PRDX1: variants seen among roughly 807,000 people sequenced by gnomAD.
PRDX1 encodes peroxiredoxin-1.
PRDX1 carries 19 observed loss-of-function variants against 20.7 expected under a neutral mutation model. The ratio of observed to expected loss-of-function variants is 0.92; its 90% CI spans 0.64 to 1.35. PRDX1 has a LOEUF of 1.35. Among genes scored for constraint, PRDX1 ranks in the 40% most tolerant of loss-of-function variants. The probability of loss-of-function intolerance (pLI) is 0.00; values close to 1 mark genes in which losing one functional copy is unlikely to be tolerated. For missense variants in PRDX1, 226 were observed against 240.0 expected, an observed-to-expected ratio of 0.94 and a Z score of 0.38; for synonymous variants, 89 against 83.9, an observed-to-expected ratio of 1.06 and a Z score of -0.33.
Position 45,511,316 on chromosome 1 carries a change from A to C in PRDX1, c.*13T>G. 2 of 1,598,572 alleles carry C rather than the reference A, an allele frequency of 1.3e-6. No individual in the cohort carries two copies. The highest frequency in any genetic ancestry group is 1.7e-6 in the Non-Finnish European group (2 of 1,172,202). The stretch of plus-strand genomic sequence containing the variant: ...GCTGCCCACCGCAGCCTGGCACTAA[A>C]ACAGCCCAGCGCTCACTTCTGCTTG... On this transcript the variant is annotated 3_prime_UTR_variant, in exon 6 of 6. Coordinates refer to ENST00000319248, the MANE Select transcript of PRDX1 (RefSeq NM_181697.3).
chr1:45,519,484 C>CCG (rs1557615694), intron 1 of PRDX1, among the ~76,000 whole-genome samples: 1 of 152,266 alleles, frequency 6.6e-6, no homozygotes, highest in East Asian at 1.9e-4. Context: ...TTTCCCATCA[C>CCG]TGTGCCTCCA....
chr1:45,515,770 G>A lies in PRDX1; in HGVS notation c.144C>T (p.Phe48=), dbSNP rs1221277438. 1.9e-6 allele frequency: 3 copies of A among 1,592,224 alleles called. No homozygotes were observed. Among genetic ancestry groups the A allele is most frequent in the Non-Finnish European group, 2.6e-6 (3 of 1,173,612 alleles). ...TGATCTCCGTGGGGCACACAAAGGT[G>A]AAGTCAAGAGGGTAAAAGAAGAACA... The part of the protein sequence containing the change: ...YVVFFFYPLD[F]TFVCPTEIIA... The change falls in exon 3 of 6, where the codon TTC becomes TTT. Residue 48 remains phenylalanine, a synonymous_variant. Coordinates refer to ENST00000319248, the MANE Select transcript of PRDX1 (RefSeq NM_181697.3).
chr1:45,519,002 G>C lies in PRDX1; in HGVS notation c.42C>G (p.Asn14Lys), dbSNP rs1010440683. 6.2e-7 allele frequency: 1 copy of C among 1,602,982 alleles called. No homozygotes were observed. The highest frequency in any genetic ancestry group is 1.3e-5 in the African/African-American group (1 of 74,478). The change falls in exon 2 of 6, where the codon AAC becomes AAG. Residue 14 changes from asparagine to lysine, a missense_variant. Coordinates refer to ENST00000319248, the MANE Select transcript of PRDX1 (RefSeq NM_181697.3). Reference sequence around the variant, plus strand: ...CTGGCATAACAGCTGTGGCTTTGAAGTTGGGGGCAGGGTGCCCAATTTTAG... The same window carrying C: ...CTGGCATAACAGCTGTGGCTTTGAACTTGGGGGCAGGGTGCCCAATTTTAG... ...GNAKIGHPAP[N>K]FKATAVMPDG...
At chr1:45,520,483 G>C (rs1342136516) in intron 1 of PRDX1, among the ~76,000 whole-genome samples, 2 of 151,948 alleles carry the variant, frequency 1.3e-5, no homozygotes, top group Non-Finnish European at 2.9e-5. Context: ...AGCACTTTGG[G>C]AGGCCGAGGC....
At chr1:45,520,627 G>A (rs1178424947) in intron 1 of PRDX1, among the ~76,000 whole-genome samples, 1 of 150,914 alleles carries the variant, frequency 6.6e-6, no homozygotes, top group Non-Finnish European at 1.5e-5. Context: ...GGGAGGCTGA[G>A]GCAGGAGAAT....
intron 1 of PRDX1, among the ~76,000 whole-genome samples, chr1:45,520,360 G>GT (rs1200440834): frequency 1.6e-4 from 25 of 152,042 alleles, no homozygotes; most frequent in African/African-American, 5.8e-4. Flanking sequence ...GCGAAAACAA[G>GT]TATAAGAATC....
At chr1:45,517,416 C>A (rs969493865) in intron 2 of PRDX1, among the ~76,000 whole-genome samples, 1 of 152,128 alleles carries the variant, frequency 6.6e-6, no homozygotes. Flanking sequence ...CCCAGGAGAT[C>A]GAGCTGCTCT....
At chr1:45,512,612 G>T (rs1192367911) in intron 5 of PRDX1, 1 of 151,972 alleles carries the variant, frequency 6.6e-6, no homozygotes, top group Non-Finnish European at 1.5e-5. Flanking sequence ...AGTGGGATGG[G>T]AAGCAGCAGA....
chr1:45,521,494 A>C (rs1643912823), intron 1 of PRDX1: 1 of 152,198 alleles, frequency 6.6e-6, no homozygotes. Flanking sequence ...AAGCTTCCCG[A>C]ACCCACCCCG....
chr1:45,521,458 C>CG (rs1351940465), intron 1 of PRDX1, among the ~76,000 whole-genome samples: 2 of 152,216 alleles, frequency 1.3e-5, no homozygotes, highest in African/African-American at 2.4e-5. Flanking sequence ...TCTACAGCCA[C>CG]GAGTCTGGAT....
chr1:45,514,413 A>T (rs910862206), intron 5 of PRDX1, 94 bp downstream of exon 5: 3 of 1,447,270 alleles, frequency 2.1e-6, no homozygotes, highest in Non-Finnish European at 2.9e-6. Context: ...CAAGTCTCTC[A>T]TTCCACCTAA....
chr1:45,513,631 A>C (rs1643799032), intron 5 of PRDX1, among the ~76,000 whole-genome samples: 1 of 152,176 alleles, frequency 6.6e-6, no homozygotes, highest in Admixed American at 6.5e-5. Context: ...TTAATCTGTA[A>C]CCTTATCCCC....
intron 2 of PRDX1, among the ~76,000 whole-genome samples, chr1:45,516,152 G>A (rs1267211944): frequency 5.3e-5 from 8 of 152,182 alleles, no homozygotes; most frequent in African/African-American, 1.7e-4. Context: ...TTATAAGCAT[G>A]GCCTAATGCC....
chr1:45,521,988 C>G (rs1158101771), upstream of PRDX1: 3 of 152,262 alleles, frequency 2.0e-5, no homozygotes, highest in African/African-American at 7.2e-5. Flanking sequence ...GGATGTGGCC[C>G]GAGCCCCGCC....
chr1:45,519,823 C>G (rs1643891583), intron 1 of PRDX1, among the ~76,000 whole-genome samples: 1 of 152,164 alleles, frequency 6.6e-6, no homozygotes, highest in Non-Finnish European at 1.5e-5. Flanking sequence ...GTCTCAAACT[C>G]CTCACCTCAG....
intron 1 of PRDX1, among the ~76,000 whole-genome samples, chr1:45,519,877 G>A (rs554484763): frequency 9.2e-5 from 14 of 152,306 alleles, no homozygotes; most frequent in African/African-American, 2.4e-4. Context: ...GATTACAGGC[G>A]TGAGCCACCG....
At chr1:45,517,557 G>A (rs944472194) in intron 2 of PRDX1, among the ~76,000 whole-genome samples, 9 of 151,864 alleles carry the variant, frequency 5.9e-5, no homozygotes, top group African/African-American at 2.2e-4. Context: ...CAAGGCAGGC[G>A]GATCACAAGG....
At chr1:45,517,750 C>G (rs1643873863) in intron 2 of PRDX1, among the ~76,000 whole-genome samples, 1 of 139,626 alleles carries the variant, frequency 7.2e-6, no homozygotes, top group Non-Finnish European at 1.5e-5. Flanking sequence ...CCACTGCACT[C>G]TAGCCTGGGC....
chr1:45,518,467 C>CAAAAAAAAA (rs35407028), intron 2 of PRDX1, among the ~76,000 whole-genome samples: 1 of 48,062 alleles, frequency 2.1e-5, no homozygotes. Flanking sequence ...AACTCCATCT[C>CAAAAAAAAA]AAAAAAAAAA....
Sources: allele counts gnomAD v4.1 joint callset (sites outside exome capture counted in the v4.1 genomes callset), GRCh38; gene constraint gnomAD v4.1.1; transcripts MANE v1.5; gene names NCBI Gene and HGNC (gene_info 2026-07-23, HGNC 2026-07-21).